The following CCDC85A variants were observed in gnomAD, a reference collection of about 807,000 sequenced individuals.
CCDC85A encodes the protein coiled-coil domain containing 85A.
In CCDC85A, 38 loss-of-function variants were observed where a neutral mutation model predicts 50.2. The ratio of observed to expected loss-of-function variants is 0.76; its 90% CI spans 0.58 to 0.99. CCDC85A has a LOEUF of 0.99. Ranked by LOEUF, CCDC85A falls within the 50% of genes least tolerant of loss-of-function variation. CCDC85A has a pLI of 0.00. For synonymous variants in CCDC85A, 366 were observed against 301.4 expected, an observed-to-expected ratio of 1.21 and a Z score of -2.22; for missense variants, 820 against 742.0, an observed-to-expected ratio of 1.11 and a Z score of -1.22.
intron 2 of CCDC85A, among the ~76,000 whole-genome samples, chr2:56,291,692 G>A (rs545094935): frequency 7.3e-5 from 11 of 151,584 alleles, no homozygotes; most frequent in Non-Finnish European, 1.3e-4. Context: ...TAGCATGAAA[G>A]GTTGGAAATG....
At chr2:56,207,196 A>G (rs2193476) in intron 2 of CCDC85A, among the ~76,000 whole-genome samples, 125,951 of 152,136 alleles carry the variant, frequency 0.83, 52,192 homozygotes, top group African/African-American at 0.84. Flanking sequence ...TTAGCTTGTT[A>G]TGTTCTATCT....
chr2:56,361,270 A>AG (rs398104326), intron 3 of CCDC85A, among the ~76,000 whole-genome samples: 1 of 150,716 alleles, frequency 6.6e-6, no homozygotes, highest in Non-Finnish European at 1.5e-5. Flanking sequence ...AAAAAAAAAA[A>AG]TAGGGAATAG....
intron 2 of CCDC85A, among the ~76,000 whole-genome samples, chr2:56,331,934 C>G (rs762356332): frequency 1.3e-5 from 2 of 152,200 alleles, no homozygotes; most frequent in Non-Finnish European, 2.9e-5. Context: ...CTGCTGCCCC[C>G]TGCCCCCTCC....
intron 2 of CCDC85A, among the ~76,000 whole-genome samples, chr2:56,208,593 C>T (rs1316278532): frequency 6.6e-6 from 1 of 152,128 alleles, no homozygotes; most frequent in Non-Finnish European, 1.5e-5. Context: ...TGGTGAACCA[C>T]TTGCCTGCCA....
chr2:56,320,512 C>T (rs1298452303), intron 2 of CCDC85A, among the ~76,000 whole-genome samples: 1 of 152,124 alleles, frequency 6.6e-6, no homozygotes, highest in Non-Finnish European at 1.5e-5. Context: ...CTATAAACAC[C>T]TCTACACAAA....
intron 2 of CCDC85A, among the ~76,000 whole-genome samples, chr2:56,254,215 G>GA (rs1286716624): frequency 6.6e-6 from 1 of 151,998 alleles, no homozygotes; most frequent in Non-Finnish European, 1.5e-5. Flanking sequence ...TGATGAATGT[G>GA]AAAAAATTAA....
intron 2 of CCDC85A, among the ~76,000 whole-genome samples, chr2:56,214,836 A>G (rs1253150009): frequency 6.6e-6 from 1 of 151,846 alleles, no homozygotes; most frequent in Non-Finnish European, 1.5e-5. Flanking sequence ...GTTCTTCTGT[A>G]TTGTGTTGGC....
intron 3 of CCDC85A, among the ~76,000 whole-genome samples, chr2:56,351,421 C>T (rs1207129379): frequency 3.6e-5 from 5 of 138,722 alleles, no homozygotes; most frequent in Admixed American, 1.5e-4. Flanking sequence ...CCTGAGGAAT[C>T]GCCACACTGA....
intron 3 of CCDC85A, among the ~76,000 whole-genome samples, chr2:56,369,763 C>T (rs1449133888): frequency 6.6e-6 from 1 of 151,982 alleles, no homozygotes; most frequent in African/African-American, 2.4e-5. Flanking sequence ...TTCCCATTTC[C>T]CCCTTTTTCT....
intron 2 of CCDC85A, among the ~76,000 whole-genome samples, chr2:56,264,240 T>A (rs1670341669): frequency 6.6e-6 from 1 of 152,100 alleles, no homozygotes; most frequent in Admixed American, 6.6e-5. Context: ...AACTCCAGAT[T>A]CTTATATCTA....
intron 2 of CCDC85A, among the ~76,000 whole-genome samples, chr2:56,204,367 A>G (rs903163037): frequency 1.3e-5 from 2 of 152,222 alleles, no homozygotes; most frequent in Non-Finnish European, 2.9e-5. Flanking sequence ...AAGTTCATTT[A>G]TAGTGCTGAA....
intron 2 of CCDC85A, among the ~76,000 whole-genome samples, chr2:56,212,404 C>A (rs141571943): frequency 6.7e-4 from 99 of 147,804 alleles, no homozygotes; most frequent in Non-Finnish European, 1.0e-3. Flanking sequence ...GCCCATGAAC[C>A]CATTCCAAAA....
At chr2:56,206,648 C>T (rs771501601) in intron 2 of CCDC85A, among the ~76,000 whole-genome samples, 15 of 152,170 alleles carry the variant, frequency 9.9e-5, no homozygotes, top group Admixed American at 8.5e-4. Flanking sequence ...GCAGAACCCT[C>T]ATGACCTAAT....
chr2:56,375,818 T>C lies in CCDC85A; in HGVS notation c.1455T>C (p.Gly485=). 1 of 1,613,286 alleles carries C rather than the reference T, an allele frequency of 6.2e-7. No homozygotes were observed. Among genetic ancestry groups the C allele is most frequent in the Non-Finnish European group, 8.5e-7 (1 of 1,179,662 alleles). ...AAAGTTGTTGATTTTCTACTAAGGGTTCTTTTAGGTTGTCATCAGGGGCTG... is the reference window on the plus strand; with the variant it reads ...AAAGTTGTTGATTTTCTACTAAGGGCTCTTTTAGGTTGTCATCAGGGGCTG... The part of the protein sequence containing the change: ...GIGRCLPTLP[G]SFRLSSGADG... Residue 485 remains glycine (G), a splice_region_variant and synonymous_variant, in exon 5 of 6, where the codon GGT becomes GGC. Transcript: ENST00000407595.
Position 56,192,902 on chromosome 2 carries a change from G to A in CCDC85A, c.702G>A (p.Pro234=), listed in dbSNP as rs368017443. 2.2e-5 allele frequency: 35 copies of A among 1,611,402 alleles called. No individual in the cohort carries two copies. The East Asian group carries it at 2.7e-4, about 12-fold the overall frequency. Residue 234 remains proline (P), a synonymous_variant, in exon 2 of 6, where the codon CCG becomes CCA. Coordinates refer to ENST00000407595, the MANE Select transcript of CCDC85A (RefSeq NM_001080433.2). The surrounding 1 kb of genome is among the most constrained non-coding windows in gnomAD (Gnocchi z 4.7). ...HHKHHASSGS[P]EHLQKPRSEG... Reference sequence around the variant, plus strand: ...AGCACCACGCGAGCAGTGGCAGCCCGGAGCACCTGCAGAAGCCCCGGAGCG... The same window carrying A: ...AGCACCACGCGAGCAGTGGCAGCCCAGAGCACCTGCAGAAGCCCCGGAGCG...
intron 2 of CCDC85A, among the ~76,000 whole-genome samples, chr2:56,309,721 A>C (rs1672605827): frequency 6.6e-6 from 1 of 152,126 alleles, no homozygotes; most frequent in South Asian, 2.1e-4. Flanking sequence ...ATCCCAATGT[A>C]AAAGGTTGTC....
rs1251843425 is a variant in CCDC85A, at chr2:56,231,617, T to A, written c.1240+38177T>A. Among the ~76,000 whole-genome samples, 7 of 152,076 alleles carry A rather than the reference T, an allele frequency of 4.6e-5. No homozygotes were observed. In the East Asian group the frequency reaches 9.6e-4, roughly 21 times the overall value. On this transcript the variant is annotated intron_variant, in intron 2 of 5. Transcript: ENST00000407595. ...TTAGCCTTGGCAGTATTTTTTTTTT[T>A]AACTGTAGACCAAGGTTTTTTAATG... is the stretch of plus-strand genomic sequence containing the variant.
intron 3 of CCDC85A, among the ~76,000 whole-genome samples, chr2:56,353,897 A>T (rs900420626): frequency 3.9e-5 from 6 of 152,220 alleles, no homozygotes; most frequent in African/African-American, 1.4e-4. Context: ...CACAACTGTG[A>T]GCATAGCGTT....
At chr2:56,340,296 A>C (rs2104316541) in intron 2 of CCDC85A, among the ~76,000 whole-genome samples, 1 of 152,304 alleles carries the variant, frequency 6.6e-6, no homozygotes, top group South Asian at 2.1e-4. Context: ...TCCATGATGA[A>C]ATTCAGATCA....
Sources: gnomAD v4.1 joint callset for allele counts (sites outside exome capture counted in the v4.1 genomes callset) on GRCh38, gnomAD v4.1.1 for gene constraint, Gnocchi (gnomAD v3.1) non-coding constraint, MANE v1.5 for transcripts, NCBI Gene and HGNC (gene_info 2026-07-23, HGNC 2026-07-21) for gene names.